The following NSUN6 variants were observed in gnomAD, a reference collection of about 807,000 sequenced individuals.
The protein encoded by NSUN6 is NOP2/Sun RNA methyltransferase 6.
A neutral mutation model predicts 58.0 loss-of-function variants in NSUN6; 64 were observed. The observed-to-expected ratio is 1.10, with a 90% CI of 0.90 to 1.36. The LOEUF is 1.36. NSUN6 is among the 40% of genes most tolerant of loss of function. The pLI is 0.00. For synonymous variants in NSUN6, 231 were observed against 193.9 expected (o/e 1.19, Z -1.59); for missense variants, 701 against 550.1 (o/e 1.27, Z -2.74).
intron 3 of NSUN6, among the ~76,000 whole-genome samples, chr10:18,635,335 T>C (rs560552258): frequency 6.6e-5 from 10 of 152,304 alleles, no homozygotes; most frequent in African/African-American, 1.4e-4. Flanking sequence ...TTAGTGTGAC[T>C]GTATGATAGG....
chr10:18,599,547 A>C (rs1297615876), intron 6 of NSUN6, among the ~76,000 whole-genome samples: 1 of 152,304 alleles, frequency 6.6e-6, no homozygotes, highest in South Asian at 2.1e-4. Context: ...CAGTGGTTTC[A>C]AAATCACCCT....
rs888692761 is a variant in NSUN6 at position 18,548,318 on chromosome 10, G to C, written c.1072-81C>G. 86 of 1,212,320 alleles carry C rather than the reference G, an allele frequency of 7.1e-5. No homozygotes were observed. The African/African-American group carries it at 9.7e-4, about 14-fold the overall frequency. 75.1% of individuals were successfully genotyped at this position (1,212,320 alleles called of 1,614,324 possible). Reference sequence around the variant, plus strand: ...TGAATTTCAAAGCAAAAGGTATAATGTCTTTCAAATGTTTGGGATAAATAA... The same window carrying C: ...TGAATTTCAAAGCAAAAGGTATAATCTCTTTCAAATGTTTGGGATAAATAA... On this transcript the variant is annotated intron_variant, in intron 9 of 10. Coordinates refer to ENST00000377304, the MANE Select transcript of NSUN6 (RefSeq NM_182543.5).
At chr10:18,548,702 G>A (rs542230698) in intron 9 of NSUN6, among the ~76,000 whole-genome samples, 28 of 152,278 alleles carry the variant, frequency 1.8e-4, no homozygotes, top group Admixed American at 1.4e-3. Flanking sequence ...GCCTCCCAAA[G>A]TGCTGGGATT....
At chr10:18,555,063 T>G (rs534941692) in intron 8 of NSUN6, among the ~76,000 whole-genome samples, 1 of 150,124 alleles carries the variant, frequency 6.7e-6, no homozygotes, top group South Asian at 2.1e-4. Context: ...GAGAATGGAA[T>G]GGAGTGGAGA....
intron 7 of NSUN6, 132 bp from the exon 8 acceptor site, chr10:18,586,225 A>T: frequency 1.5e-6 from 1 of 684,906 alleles, no homozygotes; most frequent in Non-Finnish European, 2.3e-6. Context: ...CTAATTTAAA[A>T]CCTCTATCCA....
chr10:18,650,990 T>C, intron 1 of NSUN6, 139 bp downstream of exon 1: 1 of 897,290 alleles, frequency 1.1e-6, no homozygotes, highest in Non-Finnish European at 1.7e-6. Context: ...AGAAACATAT[T>C]GGTATTTTTA....
At chr10:18,582,575 C>T (rs1441002277) in intron 8 of NSUN6, among the ~76,000 whole-genome samples, 3 of 152,184 alleles carry the variant, frequency 2.0e-5, no homozygotes, top group Non-Finnish European at 2.9e-5. Context: ...GAAAGATTAC[C>T]TATGCAAAGG....
At chr10:18,566,492 A>T (rs2065821852) in intron 8 of NSUN6, among the ~76,000 whole-genome samples, 2 of 146,482 alleles carry the variant, frequency 1.4e-5, no homozygotes, top group African/African-American at 5.2e-5. Flanking sequence ...TCCATTCTCC[A>T]TTCCATTCCA....
intron 8 of NSUN6, 147 bp downstream of exon 8, chr10:18,585,802 A>AAGACG (rs2057106805): frequency 1.7e-6 from 1 of 603,830 alleles, no homozygotes; most frequent in South Asian, 2.6e-5. Context: ...AAATTACCAC[A>AAGACG]AGGATAAGTA....
upstream of NSUN6, chr10:18,652,913 C>T: frequency 1.0e-6 from 1 of 985,046 alleles, no homozygotes; most frequent in Non-Finnish European, 1.2e-6. Flanking sequence ...AACAACTCTC[C>T]ATGTTCTCAC....
chr10:18,625,584 G>A (rs1285110764), intron 3 of NSUN6, among the ~76,000 whole-genome samples: 1 of 151,818 alleles, frequency 6.6e-6, no homozygotes, highest in Non-Finnish European at 1.5e-5. Flanking sequence ...ATGGTGGTGG[G>A]CACCTGTAAT....
chr10:18,551,406 T>C, intron 9 of NSUN6, among the ~76,000 whole-genome samples: 1 of 152,098 alleles, frequency 6.6e-6, no homozygotes, highest in Non-Finnish European at 1.5e-5. Context: ...CAGAACTTTT[T>C]CATTATCCCA....
At chr10:18,549,251 T>G (rs2054465314) in intron 9 of NSUN6, among the ~76,000 whole-genome samples, 1 of 152,176 alleles carries the variant, frequency 6.6e-6, no homozygotes, top group Admixed American at 6.5e-5. Flanking sequence ...GACCTCCTCC[T>G]GTACACCTCT....
chr10:18,586,310 G>A (rs1207648321), intron 7 of NSUN6, among the ~76,000 whole-genome samples: 2 of 152,096 alleles, frequency 1.3e-5, no homozygotes, highest in Admixed American at 6.5e-5. Context: ...GAATGAAGCC[G>A]CAGACCCTTG....
chr10:18,630,422 A>T (rs1356726802), intron 3 of NSUN6, among the ~76,000 whole-genome samples: 4 of 152,060 alleles, frequency 2.6e-5, no homozygotes, highest in Non-Finnish European at 4.4e-5. Flanking sequence ...AACTGAAGGA[A>T]ATAGAGACAC....
intron 8 of NSUN6, among the ~76,000 whole-genome samples, chr10:18,567,467 T>G (rs564903772): frequency 2.0e-5 from 3 of 149,592 alleles, no homozygotes; most frequent in Non-Finnish European, 4.5e-5. Flanking sequence ...TCCATTCCAT[T>G]CTCCATACCA....
At chr10:18,643,882 A>T (rs889640823) in intron 2 of NSUN6, among the ~76,000 whole-genome samples, 4 of 152,216 alleles carry the variant, frequency 2.6e-5, no homozygotes, top group African/African-American at 9.6e-5. Context: ...TTTCGATTAG[A>T]AGCATGTTAA....
intron 5 of NSUN6, 44 bp from the exon 6 acceptor site, chr10:18,609,970 G>GT (rs1487368175): frequency 8.8e-7 from 1 of 1,134,766 alleles, no homozygotes; most frequent in Non-Finnish European, 1.3e-6. Flanking sequence ...AAATTCCATG[G>GT]TCTATACAAA....
Position 18,604,054 on chromosome 10 carries a change from G to A in NSUN6, c.657+5791C>T, listed in dbSNP as rs1027082489. The stretch of plus-strand genomic sequence containing the variant: ...AAAATTAGCTGGGCATAGTGGCGGG[G>A]GCCTGCAGTCCCACCTACTCGGGAG... On this transcript the variant is annotated intron_variant, in intron 6 of 10. Coordinates refer to ENST00000377304, the MANE Select transcript of NSUN6 (RefSeq NM_182543.5). Among the ~76,000 whole-genome samples, 14 of 152,146 alleles carry A rather than the reference G, an allele frequency of 9.2e-5. No homozygotes were observed. The East Asian group carries it at 2.7e-3, about 30-fold the overall frequency.
Sources: allele counts gnomAD v4.1 joint callset (sites outside exome capture counted in the v4.1 genomes callset), GRCh38; gene constraint gnomAD v4.1.1; transcripts MANE v1.5; gene names NCBI Gene and HGNC (gene_info 2026-07-23, HGNC 2026-07-21).